The following NOP14 variants were observed in gnomAD, a reference collection of about 807,000 sequenced individuals.
The protein encoded by NOP14 is NOP14 nucleolar protein.
In NOP14, 57 loss-of-function variants were observed where a neutral mutation model predicts 101.6. The observed-to-expected ratio is 0.56, with a 90% CI of 0.45 to 0.70. The LOEUF is 0.70. NOP14 is among the 30% of genes least tolerant of loss of function. NOP14 has a pLI of 0.00. For synonymous variants in NOP14, 428 were observed against 424.0 expected, an observed-to-expected ratio of 1.01 and a Z score of -0.12; for missense variants, 1,134 against 1,075.5, an observed-to-expected ratio of 1.05 and a Z score of -0.76.
intron 10 of NOP14, chr4:2,947,272 T>G: frequency 1.9e-6 from 1 of 533,876 alleles, no homozygotes; most frequent in Admixed American, 3.6e-5. Context: ...TCTAAAGGGG[T>G]TCACTTGTTT....
At chr4:2,952,635 G>A (rs368787431) in intron 5 of NOP14, among the ~76,000 whole-genome samples, 5 of 152,200 alleles carry the variant, frequency 3.3e-5, no homozygotes, top group African/African-American at 1.2e-4. Context: ...AAAATTCTCA[G>A]AATACATCTG....
intron 1 of NOP14, among the ~76,000 whole-genome samples, chr4:2,958,493 T>C: frequency 6.6e-6 from 1 of 152,200 alleles, no homozygotes; most frequent in Non-Finnish European, 1.5e-5. Context: ...ATTACACTGG[T>C]GTTTACACAG....
chr4:2,947,531 C>T lies in NOP14; in HGVS notation c.1494G>A (p.Leu498=), dbSNP rs771514325. ...GACACACCATTTTTACTTACACAAC[C>T]AACTTATCAATGACTGTGAGGTCTG... ...DPPDLTVIDK[L]VVHLYHLCQM... is the part of the protein sequence containing the mutation. The change falls in exon 10 of 18, where the codon TTG becomes TTA. Residue 498 remains leucine (L), a synonymous_variant. Transcript: ENST00000416614. 6.2e-7 allele frequency: 1 copy of T among 1,611,990 alleles called. No homozygotes were observed. Among genetic ancestry groups the T allele is most frequent in the Non-Finnish European group, 8.5e-7 (1 of 1,178,112 alleles).
intron 1 of NOP14, among the ~76,000 whole-genome samples, chr4:2,960,693 TCACATTAA>T (rs1715684897): frequency 7.2e-6 from 1 of 137,964 alleles, no homozygotes; most frequent in African/African-American, 2.8e-5. Flanking sequence ...AATATTATAA[TCACATTAA>T]TATTAATATA....
intron 1 of NOP14, among the ~76,000 whole-genome samples, chr4:2,958,744 G>A (rs1715512250): frequency 6.6e-6 from 1 of 152,350 alleles, no homozygotes; most frequent in African/African-American, 2.4e-5. Flanking sequence ...CTTGGTCACT[G>A]CCACTCTGGT....
intron 1 of NOP14, among the ~76,000 whole-genome samples, chr4:2,959,935 G>C (rs965024048): frequency 1.3e-5 from 2 of 151,642 alleles, no homozygotes; most frequent in African/African-American, 2.4e-5. Context: ...GATGAACTCT[G>C]TACGGACAGA....
At chr4:2,959,389 A>T (rs1263330) in intron 1 of NOP14, among the ~76,000 whole-genome samples, 19 of 152,018 alleles carry the variant, frequency 1.2e-4, no homozygotes, top group South Asian at 2.1e-4. Flanking sequence ...TTAGAAGATC[A>T]AGACCATCCT....
At chr4:2,950,610 G>GCCGTATCATTAA in intron 7 of NOP14, 1 of 215,000 alleles carries the variant, frequency 4.7e-6, no homozygotes, top group Non-Finnish European at 9.3e-6. Context: ...TCTTCTGCTT[G>GCCGTATCATTAA]AAACCTGTCC....
chr4:2,939,069 C>G (rs1713920078), intron 17 of NOP14, 119 bp downstream of exon 17: 2 of 1,527,034 alleles, frequency 1.3e-6, no homozygotes, highest in Non-Finnish European at 9.0e-7. Context: ...CTGCCTGGCT[C>G]CAACCCCCAG....
At chr4:2,962,099 G>A (rs1355455427) in intron 1 of NOP14, among the ~76,000 whole-genome samples, 1 of 152,238 alleles carries the variant, frequency 6.6e-6, no homozygotes, top group Non-Finnish European at 1.5e-5. Context: ...AGAAGGTTAA[G>A]AATAACAGTA....
chr4:2,953,667 C>T (rs1307823517), intron 4 of NOP14, 22 bp from the exon 5 acceptor site: 1 of 1,613,728 alleles, frequency 6.2e-7, no homozygotes, highest in African/African-American at 1.3e-5. Context: ...ATAACAGACA[C>T]ACACCACATA....
intron 6 of NOP14, 61 bp from the exon 7 acceptor site, chr4:2,951,306 G>A (rs1400939741): frequency 3.9e-5 from 60 of 1,531,328 alleles, no homozygotes; most frequent in Non-Finnish European, 4.9e-5. Context: ...TGAGGGGGCC[G>A]TGCAGTCCTG....
Position 2,963,325 on chromosome 4 carries a change from G to A in NOP14, c.-6C>T. On this transcript the variant is annotated 5_prime_UTR_variant, in exon 1 of 18. Transcript: ENST00000416614. ...ACCTTCTTCGCCTTCGCCATGGCGC[G>A]CGCCCCGCTGCGCCCAAGGGCCCGA... 6.4e-7 allele frequency: 1 copy of A among 1,561,784 alleles called. No homozygotes were observed. The highest frequency in any genetic ancestry group is 1.1e-5 in the South Asian group (1 of 87,240).
rs1364463516 is a variant in NOP14 at position 2,963,364 on chromosome 4, A to T, written c.-45T>A. On this transcript the variant is annotated 5_prime_UTR_variant, in exon 1 of 18. Transcript: ENST00000416614. ...CCAAGGGCCCGAGACCCGAAGAGAG[A>T]CAGGCGCGCGCTACCCTAAGACACG... is the stretch of plus-strand genomic sequence containing the variant. 3 of 1,501,970 alleles carry T rather than the reference A, an allele frequency of 2.0e-6. No homozygotes were observed. The East Asian group carries it at 7.9e-5, about 39-fold the overall frequency. 93.0% of individuals were successfully genotyped at this position (1,501,970 alleles called of 1,614,324 possible).
chr4:2,951,723 G>C (rs1212239268), intron 6 of NOP14, among the ~76,000 whole-genome samples: 1 of 152,200 alleles, frequency 6.6e-6, no homozygotes, highest in Non-Finnish European at 1.5e-5. Flanking sequence ...CAGCACTGTG[G>C]GAGGCCGTGG....
At chr4:2,959,363 C>A (rs531979302) in intron 1 of NOP14, among the ~76,000 whole-genome samples, 4 of 152,118 alleles carry the variant, frequency 2.6e-5, no homozygotes, top group Non-Finnish European at 4.4e-5. Flanking sequence ...GAGGCCAAGG[C>A]GGGCGGATCA....
In NOP14 at chr4:2,957,672, G is replaced by A. The variant is rs375247657; in HGVS notation, c.264C>T (p.Phe88=). The A allele has an allele frequency of 4.4e-5, 71 of 1,613,854 alleles. No individual in the cohort carries two copies. Among genetic ancestry groups the A allele is most frequent in the African/African-American group, 2.7e-5 (2 of 74,862 alleles). ...DKSNVFRDKR[F]GEYNSNMSPE... ...GGCTCATGTTGCTGTTGTATTCTCC[G>A]AAGCGTTTATCTCTGAATACATTGG... Residue 88 remains phenylalanine (F), a synonymous_variant, in exon 2 of 18, where the codon TTC becomes TTT. Coordinates refer to ENST00000416614, the MANE Select transcript of NOP14 (RefSeq NM_001291978.2).
chr4:2,947,211 A>G, intron 10 of NOP14: 1 of 418,344 alleles, frequency 2.4e-6, no homozygotes, highest in Non-Finnish European at 4.3e-6. Context: ...AATACCGCTC[A>G]GTCACCCAGA....
At chr4:2,939,690 C>CA in intron 15 of NOP14, 45 bp from the exon 16 acceptor site, 1 of 1,447,876 alleles carries the variant, frequency 6.9e-7, no homozygotes, top group Non-Finnish European at 9.7e-7. Flanking sequence ...TCACCTGCTG[C>CA]GTGCCCTGAG....
Sources: allele counts gnomAD v4.1 joint callset (sites outside exome capture counted in the v4.1 genomes callset), GRCh38; gene constraint gnomAD v4.1.1; transcripts MANE v1.5; gene names NCBI Gene and HGNC (gene_info 2026-07-23, HGNC 2026-07-21).